CCDC6: variants seen among roughly 807,000 people sequenced by gnomAD.
The protein encoded by CCDC6 is coiled-coil domain containing 6, also known as coiled-coil domain-containing protein 6.
A neutral mutation model predicts 56.6 loss-of-function variants in CCDC6; 20 were observed. The ratio of observed to expected loss-of-function variants is 0.35; its 90% CI spans 0.25 to 0.51. The LOEUF (loss-of-function observed/expected upper bound fraction) is 0.51. Among genes scored for constraint, CCDC6 ranks in the 20% least tolerant of loss-of-function variants. The pLI is 0.95. For synonymous variants in CCDC6, 241 were observed against 234.4 expected (o/e 1.03, Z -0.26); for missense variants, 367 against 601.1 (o/e 0.61, Z 4.07).
intron 7 of CCDC6, among the ~76,000 whole-genome samples, chr10:59,799,421 A>G (rs1458233030): frequency 2.6e-5 from 4 of 152,144 alleles, no homozygotes; most frequent in Admixed American, 1.3e-4. Context: ...GCAAGACTCT[A>G]TCTCGAAAAA....
At chr10:59,888,676 G>T (rs1250560402) in intron 1 of CCDC6, among the ~76,000 whole-genome samples, 1 of 152,198 alleles carries the variant, frequency 6.6e-6, no homozygotes, top group Non-Finnish European at 1.5e-5. Context: ...GGGAAAAATT[G>T]CTAATTTTGT....
intron 6 of CCDC6, chr10:59,805,189 G>C (rs1353062766): frequency 2.0e-5 from 3 of 152,340 alleles, no homozygotes; most frequent in Admixed American, 6.5e-5. Context: ...AAATGAGCAT[G>C]GTGCGCTGAC....
chr10:59,867,318 G>A (rs976870032), intron 1 of CCDC6, among the ~76,000 whole-genome samples: 1 of 152,112 alleles, frequency 6.6e-6, no homozygotes, highest in African/African-American at 2.4e-5. Flanking sequence ...AGGCCATGAT[G>A]GAAGAGAGGG....
intron 5 of CCDC6, among the ~76,000 whole-genome samples, chr10:59,811,543 T>C (rs1289050136): frequency 2.6e-5 from 4 of 152,194 alleles, no homozygotes; most frequent in African/African-American, 9.7e-5. Context: ...GAAGGCAGCT[T>C]TGTATGTATC....
intron 1 of CCDC6, among the ~76,000 whole-genome samples, chr10:59,880,469 G>T (rs924035146): frequency 7.2e-5 from 11 of 152,316 alleles, no homozygotes; most frequent in African/African-American, 2.4e-4. Context: ...TTCCAGTTAA[G>T]CAGAGTTCAA....
intron 7 of CCDC6, among the ~76,000 whole-genome samples, chr10:59,797,675 TGA>T (rs1375875951): frequency 1.1e-5 from 1 of 91,946 alleles, no homozygotes. Context: ...AGAGAGAGAG[TGA>T]GAGTGTTGTG....
In CCDC6 at chr10:59,854,188, G is replaced by A. The variant is rs2071061786; in HGVS notation, c.304-1486C>T. Among the ~76,000 whole-genome samples, 3 of 152,156 alleles carry A rather than the reference G, an allele frequency of 2.0e-5. No homozygotes were observed. The South Asian group carries it at 6.2e-4, about 32-fold the overall frequency. On this transcript the variant is annotated intron_variant, in intron 1 of 8. Transcript: ENST00000263102. ...CAATTACCACCTCTTACTGTAAAAG[G>A]CTCCGACAATCAATCCCAACTCTGG... is the stretch of plus-strand genomic sequence containing the variant.
intron 7 of CCDC6, among the ~76,000 whole-genome samples, chr10:59,799,095 T>C (rs1244356146): frequency 6.6e-6 from 1 of 151,744 alleles, no homozygotes; most frequent in East Asian, 1.9e-4. Flanking sequence ...TGAGTTAACT[T>C]TTCTGAAGGG....
At chr10:59,798,714 G>A (rs1216567602) in intron 7 of CCDC6, among the ~76,000 whole-genome samples, 2 of 152,166 alleles carry the variant, frequency 1.3e-5, no homozygotes, top group Non-Finnish European at 2.9e-5. Flanking sequence ...ATAAAAGTGG[G>A]CTGGACGTGG....
intron 2 of CCDC6, among the ~76,000 whole-genome samples, chr10:59,841,796 TAGCTGGGACTACGGGCGCCTACAA>T (rs914712154): frequency 2.7e-5 from 4 of 150,884 alleles, no homozygotes; most frequent in Non-Finnish European, 5.9e-5. Flanking sequence ...GCCTCCCGAG[TAGCTGGGACTACGGGCGCCTACAA>T]CCACGCCCGG....
In CCDC6 at chr10:59,792,940, C is replaced by T; in HGVS notation, c.1402G>A (p.Ala468Thr). Residue 468 changes from alanine (A) to threonine (T), a missense_variant, in exon 9 of 9, where the codon GCG (alanine) becomes ACG (threonine). Transcript: ENST00000263102. Reference protein sequence around the residue: ...TSQPTPSQHSAHPSSQP With the variant: ...TSQPTPSQHSTHPSSQP The stretch of plus-strand genomic sequence containing the variant: ...CATTAAGGCTGGGAGGAGGGGTGCG[C>T]CGAATGTTGCGAAGGAGTAGGCTGC... 2 of 1,610,152 alleles carry T rather than the reference C, an allele frequency of 1.2e-6. No individual in the cohort carries two copies. The highest frequency in any genetic ancestry group is 1.7e-6 in the Non-Finnish European group (2 of 1,178,008).
intron 2 of CCDC6, among the ~76,000 whole-genome samples, chr10:59,839,275 C>G (rs79388244): frequency 0.017 from 2,524 of 152,294 alleles, 30 homozygotes; most frequent in Middle Eastern, 0.045. Context: ...TCCTAGAACA[C>G]CTGGGTACAT....
intron 1 of CCDC6, among the ~76,000 whole-genome samples, chr10:59,863,077 AAC>A (rs1292992496): frequency 6.6e-6 from 1 of 152,230 alleles, no homozygotes; most frequent in Non-Finnish European, 1.5e-5. Flanking sequence ...AAAGCTAAGA[AAC>A]ACAGTATGGT....
At chr10:59,796,348 A>T (rs1000985514) in intron 7 of CCDC6, among the ~76,000 whole-genome samples, 1 of 147,630 alleles carries the variant, frequency 6.8e-6, no homozygotes, top group African/African-American at 2.6e-5. Context: ...AATTTGTTTG[A>T]GTTCATTGTA....
chr10:59,855,153 G>C (rs2440926), intron 1 of CCDC6, among the ~76,000 whole-genome samples: 24,948 of 152,138 alleles, frequency 0.16, 2,578 homozygotes, highest in African/African-American at 0.29. Flanking sequence ...CTTGTGAGAA[G>C]TTGAAAATCA....
At chr10:59,887,500 AG>A (rs1401103820) in intron 1 of CCDC6, among the ~76,000 whole-genome samples, 2 of 150,374 alleles carry the variant, frequency 1.3e-5, no homozygotes, top group African/African-American at 4.9e-5. Context: ...AAAAAAAAAG[AG>A]AAGTATCCAA....
intron 7 of CCDC6, among the ~76,000 whole-genome samples, chr10:59,795,138 C>T (rs564836077): frequency 2.0e-5 from 3 of 151,130 alleles, no homozygotes; most frequent in East Asian, 1.9e-4. Context: ...AAAGTGTCTG[C>T]GCTAAGGAAA....
At chr10:59,855,772 T>C (rs950100543) in intron 1 of CCDC6, among the ~76,000 whole-genome samples, 1 of 152,178 alleles carries the variant, frequency 6.6e-6, no homozygotes, top group East Asian at 1.9e-4. Context: ...AATTGAATTA[T>C]ATCTTGATTT....
intron 5 of CCDC6, among the ~76,000 whole-genome samples, chr10:59,809,998 GT>G (rs1174745165): frequency 1.3e-5 from 2 of 152,228 alleles, no homozygotes; most frequent in Non-Finnish European, 2.9e-5. Flanking sequence ...CAAGTTCACA[GT>G]TAGAAAATAC....
Sources: gnomAD v4.1 joint callset for allele counts (sites outside exome capture counted in the v4.1 genomes callset) on GRCh38, gnomAD v4.1.1 for gene constraint, MANE v1.5 for transcripts, NCBI Gene and HGNC (gene_info 2026-07-23, HGNC 2026-07-21) for gene names.